The following GRID2 variants were observed in gnomAD, a reference collection of about 807,000 sequenced individuals.
GRID2 encodes the protein glutamate ionotropic receptor delta type subunit 2.
GRID2 carries 33 observed loss-of-function variants against 114.8 expected under a neutral mutation model. The observed-to-expected ratio is 0.29, with a 90% confidence interval of 0.22 to 0.38. The LOEUF (loss-of-function observed/expected upper bound fraction) is 0.38, where lower values mean the gene tolerates loss of function less well. Among genes scored for constraint, GRID2 ranks in the 10% least tolerant of loss-of-function variants. The probability of loss-of-function intolerance (pLI) is 1.00; values close to 1 mark genes in which losing one functional copy is unlikely to be tolerated. For synonymous variants in GRID2, 505 were observed against 449.9 expected, an observed-to-expected ratio of 1.12 and a Z score of -1.55; for missense variants, 1,184 against 1,257.7, an observed-to-expected ratio of 0.94 and a Z score of 0.89.
At chr4:93,323,163 G>A (rs926722564) in intron 8 of GRID2, among the ~76,000 whole-genome samples, 20 of 152,134 alleles carry the variant, frequency 1.3e-4, no homozygotes, top group African/African-American at 4.1e-4. Flanking sequence ...TTTCTTCTAG[G>A]GTTTTTATGG....
At chr4:93,309,509 G>T (rs912752513) in intron 8 of GRID2, among the ~76,000 whole-genome samples, 1 of 151,994 alleles carries the variant, frequency 6.6e-6, no homozygotes, top group African/African-American at 2.4e-5. Context: ...CTGCACTCCA[G>T]CCTTGGTGAC....
intron 2 of GRID2, among the ~76,000 whole-genome samples, chr4:92,638,981 C>A (rs754472050): frequency 3.1e-4 from 47 of 151,136 alleles, no homozygotes; most frequent in Non-Finnish European, 6.4e-4. Context: ...AGGAAATTTG[C>A]AGTCATATTT....
chr4:93,293,917 G>A (rs1181630375), intron 8 of GRID2, among the ~76,000 whole-genome samples: 1 of 152,162 alleles, frequency 6.6e-6, no homozygotes, highest in East Asian at 1.9e-4. Flanking sequence ...ATATTCTAGT[G>A]GTAGGAGACA....
chr4:93,399,670 C>T (rs1413072718), intron 9 of GRID2, among the ~76,000 whole-genome samples: 2 of 152,076 alleles, frequency 1.3e-5, no homozygotes, highest in Non-Finnish European at 2.9e-5. Context: ...AGCTACAGTG[C>T]AGAAAAAGAA....
intron 2 of GRID2, among the ~76,000 whole-genome samples, chr4:93,036,460 C>A (rs985762883): frequency 3.9e-5 from 6 of 152,018 alleles, no homozygotes; most frequent in African/African-American, 1.5e-4. Flanking sequence ...AATATAGAAA[C>A]AAATACTCTA....
intron 2 of GRID2, among the ~76,000 whole-genome samples, chr4:92,900,936 C>CTGTGTGTGTGTGTGTGTG (rs67753622): frequency 0.047 from 7,044 of 149,808 alleles, 190 homozygotes; most frequent in African/African-American, 0.079. Context: ...TAGTATTCGT[C>CTGTGTGTGTGTGTGTGTG]TGTGTGTGTG....
chr4:92,496,051 A>G (rs1723374807), intron 1 of GRID2, among the ~76,000 whole-genome samples: 1 of 151,952 alleles, frequency 6.6e-6, no homozygotes, highest in Non-Finnish European at 1.5e-5. Flanking sequence ...TCCTTTAGCA[A>G]AAATTATTCT....
intron 8 of GRID2, among the ~76,000 whole-genome samples, chr4:93,328,549 T>C (rs1240127425): frequency 6.6e-6 from 1 of 152,218 alleles, no homozygotes; most frequent in Admixed American, 6.5e-5. Flanking sequence ...TTATGACATT[T>C]ATCACAATCT....
rs557955309 is a variant in GRID2 at position 93,322,372 on chromosome 4, G to C, written c.1246-73235G>C. ...TCATCCATGTCCTTACAAAGGACAT[G>C]AACTCATCATTTTTTATGGCTGCAT... On this transcript the variant is annotated intron_variant, in intron 8 of 15. Coordinates refer to ENST00000282020, the MANE Select transcript of GRID2 (RefSeq NM_001510.4). Among the ~76,000 whole-genome samples the C allele has an allele frequency of 9.3e-4, 142 of 152,196 alleles. No individual in the cohort carries two copies. In the Middle Eastern group the frequency reaches 0.017, roughly 18 times the overall value.
intron 4 of GRID2, among the ~76,000 whole-genome samples, chr4:93,142,451 G>T (rs1251235809): frequency 6.6e-6 from 1 of 152,056 alleles, no homozygotes; most frequent in Non-Finnish European, 1.5e-5. Context: ...GGCAGACGGG[G>T]TGAACAAGTT....
At chr4:92,467,134 T>G (rs2149092609) in intron 1 of GRID2, among the ~76,000 whole-genome samples, 1 of 151,932 alleles carries the variant, frequency 6.6e-6, no homozygotes, top group Non-Finnish European at 1.5e-5. Context: ...ATGTTAAAAA[T>G]GTTTTAGGAT....
chr4:93,319,870 C>A (rs1434838829), intron 8 of GRID2: 3 of 152,164 alleles, frequency 2.0e-5, no homozygotes, highest in Non-Finnish European at 4.4e-5. Context: ...TCTTAGAATA[C>A]CAGATAAGAG....
intron 1 of GRID2, among the ~76,000 whole-genome samples, chr4:92,548,457 T>C (rs1420848298): frequency 1.6e-5 from 2 of 125,068 alleles, no homozygotes; most frequent in Non-Finnish European, 3.2e-5. Context: ...ACTGGAGTTC[T>C]GTGGAGCGAT....
At chr4:93,615,754 A>T (rs1741573551) in intron 13 of GRID2, among the ~76,000 whole-genome samples, 1 of 151,766 alleles carries the variant, frequency 6.6e-6, no homozygotes, top group East Asian at 1.9e-4. Flanking sequence ...GTTTTGAAGT[A>T]GTTGTATTTT....
chr4:92,796,668 C>T (rs1211387662), intron 2 of GRID2, among the ~76,000 whole-genome samples: 1 of 151,874 alleles, frequency 6.6e-6, no homozygotes, highest in Non-Finnish European at 1.5e-5. Flanking sequence ...TTTCTTCTTA[C>T]TGATTTTCCT....
chr4:92,835,622 T>G (rs1578267168), intron 2 of GRID2, among the ~76,000 whole-genome samples: 1 of 152,066 alleles, frequency 6.6e-6, no homozygotes, highest in Admixed American at 6.6e-5. Context: ...GAAGAATTTT[T>G]AAAATGGGAC....
intron 13 of GRID2, among the ~76,000 whole-genome samples, chr4:93,615,894 G>C (rs1415125253): frequency 6.6e-6 from 1 of 151,900 alleles, no homozygotes; most frequent in Non-Finnish European, 1.5e-5. Flanking sequence ...AGCAAGTTTG[G>C]AAATATAGTA....
chr4:93,302,768 C>G (rs550141330), intron 8 of GRID2: 1 of 343,896 alleles, frequency 2.9e-6, no homozygotes, highest in African/African-American at 2.1e-5. Context: ...TCCAACTACA[C>G]AGTATTTTAA....
At chr4:93,629,731 C>T (rs889363365) in intron 14 of GRID2, among the ~76,000 whole-genome samples, 17 of 151,956 alleles carry the variant, frequency 1.1e-4, no homozygotes, top group African/African-American at 3.6e-4. Context: ...ATTTCTATAA[C>T]ACAACTTCTA....
Sources: allele counts gnomAD v4.1 joint callset (sites outside exome capture counted in the v4.1 genomes callset), GRCh38; gene constraint gnomAD v4.1.1; transcripts MANE v1.5; gene names NCBI Gene and HGNC (gene_info 2026-07-23, HGNC 2026-07-21).